The following CNTLN variants were observed in gnomAD, a reference collection of about 807,000 sequenced individuals.
CNTLN encodes centlein, also known as centlein, centrosomal protein.
Under a neutral mutation model 180.0 loss-of-function variants are expected in CNTLN, and 212 were observed. The observed-to-expected ratio is 1.18, with a 90% confidence interval of 1.05 to 1.32. CNTLN has a LOEUF of 1.32. Ranked by LOEUF, CNTLN falls within the 40% of genes most tolerant of loss-of-function variation. The probability of loss-of-function intolerance (pLI) is 0.00; values close to 1 mark genes in which losing one functional copy is unlikely to be tolerated. For synonymous variants in CNTLN, 722 were observed against 563.1 expected (o/e 1.28, Z -3.99); for missense variants, 2,095 against 1,610.9 (o/e 1.30, Z -5.14).
In CNTLN at chr9:17,379,176, G is replaced by A. The variant is rs184062501; in HGVS notation, c.1988-8986G>A. Among the ~76,000 whole-genome samples, 954 of 151,500 alleles carry A rather than the reference G, an allele frequency of 6.3e-3. 5 individuals are homozygous for A. Among genetic ancestry groups the A allele is most frequent in the Admixed American group, 8.3e-3 (127 of 15,218 alleles). On this transcript the variant is annotated intron_variant, in intron 13 of 25. Transcript: ENST00000380647. ...ATAGCGTGCCCCACTTTTTTCCCTC[G>A]GCTAGTCAGAGCATAAACTACTACT...
chr9:17,187,164 T>A (rs991668441), intron 2 of CNTLN, among the ~76,000 whole-genome samples: 2 of 152,114 alleles, frequency 1.3e-5, no homozygotes, highest in African/African-American at 4.8e-5. Flanking sequence ...ACTTATTAGC[T>A]TTGATTTTGG....
chr9:17,488,299 A>G (rs1832987406), intron 25 of CNTLN, among the ~76,000 whole-genome samples: 1 of 152,190 alleles, frequency 6.6e-6, no homozygotes, highest in Middle Eastern at 3.4e-3. Flanking sequence ...GGTGCTAGAC[A>G]AAGCCTTTTA....
At chr9:17,305,559 G>A (rs1818650871) in intron 7 of CNTLN, among the ~76,000 whole-genome samples, 1 of 151,008 alleles carries the variant, frequency 6.6e-6, no homozygotes, top group African/African-American at 2.4e-5. Flanking sequence ...TTAATGGAAT[G>A]AGAATAAGAT....
At chr9:17,527,876 G>C in the CNTLN span, among the ~76,000 whole-genome samples, 1 of 152,026 alleles carries the variant, frequency 6.6e-6, no homozygotes, top group African/African-American at 2.4e-5. Flanking sequence ...TGATGGGGGT[G>C]TGTCAAAGAG....
chr9:17,336,172 G>A (rs1243604395), intron 10 of CNTLN, among the ~76,000 whole-genome samples: 1 of 152,020 alleles, frequency 6.6e-6, no homozygotes, highest in African/African-American at 2.4e-5. Context: ...CCCAAATAAA[G>A]TACTATTATT....
intron 12 of CNTLN, among the ~76,000 whole-genome samples, chr9:17,346,452 G>A (rs1260915133): frequency 1.3e-5 from 2 of 152,170 alleles, no homozygotes; most frequent in African/African-American, 4.8e-5. Flanking sequence ...AGATTTGGGT[G>A]GGGACACAGC....
At position 17,413,678 on chromosome 9, in the gene CNTLN, A is replaced by G. The variant is rs147267136; in HGVS notation, c.2797-2110A>G. ...ACATATAAAGATTTTCAACTTCACTATTAGGAAACAGCTAAAGTAAAAATT... is the reference window on the plus strand; with the variant it reads ...ACATATAAAGATTTTCAACTTCACTGTTAGGAAACAGCTAAAGTAAAAATT... On this transcript the variant is annotated intron_variant, in intron 16 of 25. Coordinates refer to ENST00000380647, the MANE Select transcript of CNTLN (RefSeq NM_017738.4). 1.4e-4 allele frequency among the ~76,000 whole-genome samples: 22 copies of G among 152,304 alleles called. No homozygotes were observed. The East Asian group carries it at 4.2e-3, about 29-fold the overall frequency.
intron 2 of CNTLN, among the ~76,000 whole-genome samples, chr9:17,185,110 T>C (rs1251617342): frequency 1.3e-5 from 2 of 152,230 alleles, no homozygotes; most frequent in African/African-American, 4.8e-5. Context: ...TACTGGAAAA[T>C]AGAATTCTTT....
chr9:17,289,963 C>T (rs1046698191), intron 6 of CNTLN, among the ~76,000 whole-genome samples: 7 of 151,454 alleles, frequency 4.6e-5, no homozygotes, highest in Non-Finnish European at 7.4e-5. Context: ...AATGTCCTCC[C>T]GTAGCTCAGA....
chr9:17,263,081 G>A (rs1054628031), intron 5 of CNTLN, among the ~76,000 whole-genome samples: 2 of 150,910 alleles, frequency 1.3e-5, no homozygotes, highest in African/African-American at 4.9e-5. Context: ...TAGGGTACAT[G>A]TGCACAACGT....
intron 5 of CNTLN, among the ~76,000 whole-genome samples, chr9:17,250,919 G>A (rs1457012049): frequency 1.3e-5 from 2 of 151,870 alleles, no homozygotes; most frequent in African/African-American, 4.8e-5. Flanking sequence ...ATTCCATTTT[G>A]CATTTCTTGT....
At chr9:17,463,541 G>C (rs1321923321) in intron 20 of CNTLN, among the ~76,000 whole-genome samples, 2 of 151,574 alleles carry the variant, frequency 1.3e-5, no homozygotes, top group South Asian at 2.1e-4. Context: ...GAAATAGTAA[G>C]ATGTTTAGAT....
the CNTLN span, among the ~76,000 whole-genome samples, chr9:17,528,584 G>A: frequency 1.3e-5 from 2 of 152,194 alleles, no homozygotes; most frequent in South Asian, 2.1e-4. Flanking sequence ...AAGGATATTC[G>A]GTAAAAATAA....
At chr9:17,338,436 G>T (rs1821224655) in intron 10 of CNTLN, among the ~76,000 whole-genome samples, 1 of 143,856 alleles carries the variant, frequency 7.0e-6, no homozygotes, top group Admixed American at 7.3e-5. Context: ...GCCTCCCAAA[G>T]TGCTGAGATT....
In CNTLN at chr9:17,330,792, C is replaced by G. The variant is rs1587677634; in HGVS notation, c.1502C>G (p.Ala501Gly). The G allele has an allele frequency of 2.5e-6, 4 of 1,606,140 alleles. No homozygotes were observed. The highest frequency in any genetic ancestry group is 8.5e-7 in the Non-Finnish European group (1 of 1,176,310). The change falls in exon 9 of 26, where the codon GCT (alanine) becomes GGT (glycine). Residue 501 changes from alanine to glycine, a missense_variant. Physicochemically the swap from Ala to Gly is moderately conservative, Grantham distance 60 (BLOSUM62 0). Coordinates refer to ENST00000380647, the MANE Select transcript of CNTLN (RefSeq NM_017738.4). ...GFSRKSIMTS[A>G]EGKHKEPPVK... ...TCCCGAAAGAGCATCATGACAAGTG[C>G]TGAAGGAAAACATAAGGTAGGGACA...
intron 2 of CNTLN, among the ~76,000 whole-genome samples, chr9:17,212,181 G>A (rs968152153): frequency 1.3e-5 from 2 of 152,174 alleles, no homozygotes; most frequent in African/African-American, 4.8e-5. Context: ...GTATGATATT[G>A]GCTGTGGGTT....
intron 15 of CNTLN, among the ~76,000 whole-genome samples, chr9:17,404,824 A>G (rs2593390): frequency 0.83 from 124,176 of 149,786 alleles, 51,961 homozygotes; most frequent in Non-Finnish European, 0.87. Flanking sequence ...TGCAGGCTCC[A>G]CCTCCTGGGC....
rs1170925667 is a variant in CNTLN at position 17,340,948 on chromosome 9, T to G, written c.1766T>G (p.Met589Arg). The G allele has an allele frequency of 1.2e-6, 2 of 1,607,950 alleles. No homozygotes were observed. The highest frequency in any genetic ancestry group is 1.7e-5 in the Admixed American group (1 of 59,222). ...QLKQWEEGSG[M>R]TEIRKIKRAD... ...AAACAGTGGGAAGAAGGCAGTGGCATGTGAGTTACATAGCTCATAAAGGCA... is the reference window on the plus strand; with the variant it reads ...AAACAGTGGGAAGAAGGCAGTGGCAGGTGAGTTACATAGCTCATAAAGGCA... The change falls in exon 11 of 26, where the codon ATG becomes AGG. Residue 589 changes from methionine (M) to arginine (R), a missense_variant and splice_region_variant. Coordinates refer to ENST00000380647, the MANE Select transcript of CNTLN (RefSeq NM_017738.4).
Position 17,340,966 on chromosome 9 carries a change from TAAAGG to T in CNTLN, c.1766+19_1766+23del, listed in dbSNP as rs1340041160. The T allele has an allele frequency of 1.3e-6, 2 of 1,593,128 alleles. No individual in the cohort carries two copies. The highest frequency in any genetic ancestry group is 1.1e-5 in the South Asian group (1 of 86,980). On this transcript the variant is annotated intron_variant, in intron 11 of 25. Transcript: ENST00000380647. ...AGTGGCATGTGAGTTACATAGCTCA[TAAAGG>T]CATTTCCCTAAATATTAAATGGAAT...
Sources: allele counts gnomAD v4.1 joint callset (sites outside exome capture counted in the v4.1 genomes callset), GRCh38; gene constraint gnomAD v4.1.1; transcripts MANE v1.5; gene names NCBI Gene and HGNC (gene_info 2026-07-23, HGNC 2026-07-21).